The following CARMIL1 variants were observed in gnomAD, a reference collection of about 807,000 sequenced individuals.
CARMIL1 encodes capping protein regulator and myosin 1 linker 1.
Under a neutral mutation model 177.1 loss-of-function variants are expected in CARMIL1, and 90 were observed. The ratio of observed to expected loss-of-function variants is 0.51; its 90% CI spans 0.43 to 0.61. The LOEUF (loss-of-function observed/expected upper bound fraction) is 0.61, where lower values mean the gene tolerates loss of function less well. Among genes scored for constraint, CARMIL1 ranks in the 20% least tolerant of loss-of-function variants. The pLI, the probability that CARMIL1 is intolerant of heterozygous loss-of-function variation, is 0.00. For missense variants in CARMIL1, 1,380 were observed against 1,667.0 expected (o/e 0.83, Z 3.00); for synonymous variants, 577 against 606.2 (o/e 0.95, Z 0.71).
At chr6:25,519,827 T>C (rs995409075) in intron 22 of CARMIL1, among the ~76,000 whole-genome samples, 1 of 152,210 alleles carries the variant, frequency 6.6e-6, no homozygotes, top group Non-Finnish European at 1.5e-5. Context: ...TTGGGGCTGG[T>C]TGTCACACAT....
intron 22 of CARMIL1, among the ~76,000 whole-genome samples, chr6:25,517,641 A>G (rs1806141188): frequency 6.6e-6 from 1 of 152,194 alleles, no homozygotes; most frequent in Admixed American, 6.5e-5. Flanking sequence ...GTTCTGCCAA[A>G]AACACCACAC....
chr6:25,560,498 C>T lies in CARMIL1; in HGVS notation c.2742+3648C>T, dbSNP rs142424840. Among the ~76,000 whole-genome samples, 838 of 152,164 alleles carry T rather than the reference C, an allele frequency of 5.5e-3. 5 individuals carry two copies. Among genetic ancestry groups the T allele is most frequent in the East Asian group, 9.7e-3 (50 of 5,178 alleles). ...CTTAACACTTATGTAGTACCTGTGA[C>T]GTTCAGGCACTATTCTGAGCTCTTT... is the stretch of plus-strand genomic sequence containing the variant. On this transcript the variant is annotated intron_variant, in intron 29 of 36. Transcript: ENST00000329474.
At chr6:25,360,553 A>AT (rs1167777561) in intron 2 of CARMIL1, among the ~76,000 whole-genome samples, 2 of 151,970 alleles carry the variant, frequency 1.3e-5, no homozygotes, top group African/African-American at 4.8e-5. Flanking sequence ...CTACCAGAAA[A>AT]TTTTTTTTGG....
intron 29 of CARMIL1, among the ~76,000 whole-genome samples, chr6:25,571,928 T>G (rs1275062649): frequency 3.3e-5 from 5 of 152,106 alleles, no homozygotes; most frequent in Non-Finnish European, 7.4e-5. Context: ...GAAGAGACAT[T>G]ACCCTATATA....
intron 29 of CARMIL1, among the ~76,000 whole-genome samples, chr6:25,571,577 A>G (rs548948519): frequency 1.3e-5 from 2 of 152,322 alleles, no homozygotes; most frequent in East Asian, 3.9e-4. Context: ...CAAGGGAATT[A>G]ATACTTTACA....
intron 36 of CARMIL1, among the ~76,000 whole-genome samples, chr6:25,616,738 A>T (rs1582541264): frequency 6.6e-6 from 1 of 152,364 alleles, no homozygotes; most frequent in East Asian, 1.9e-4. Context: ...AATTACATGC[A>T]GTCAAATAGA....
chr6:25,443,577 G>A (rs55998719), intron 5 of CARMIL1, among the ~76,000 whole-genome samples: 13,901 of 152,108 alleles, frequency 0.091, 673 homozygotes, highest in South Asian at 0.1. Flanking sequence ...AGAACTTTTT[G>A]GTTTCTCAGT....
intron 2 of CARMIL1, among the ~76,000 whole-genome samples, chr6:25,353,480 T>G (rs1220093305): frequency 6.6e-6 from 1 of 152,210 alleles, no homozygotes; most frequent in Non-Finnish European, 1.5e-5. Context: ...ATTTCTAGTC[T>G]TCAAACACAA....
At chr6:25,293,036 T>C (rs141131009) in intron 2 of CARMIL1, among the ~76,000 whole-genome samples, 4,113 of 152,246 alleles carry the variant, frequency 0.027, 69 homozygotes, top group Non-Finnish European at 0.038. Flanking sequence ...ATGAAAAATG[T>C]AGCTACAATC....
At chr6:25,321,275 C>T (rs1016536751) in intron 2 of CARMIL1, among the ~76,000 whole-genome samples, 1 of 152,178 alleles carries the variant, frequency 6.6e-6, no homozygotes, top group South Asian at 2.1e-4. Context: ...TTAGGGGGTT[C>T]TGTGGCAAAA....
intron 17 of CARMIL1, among the ~76,000 whole-genome samples, chr6:25,508,689 A>C (rs928603404): frequency 5.9e-5 from 9 of 152,214 alleles, no homozygotes; most frequent in Admixed American, 2.0e-4. Flanking sequence ...ACTTTTTATA[A>C]ATTTTAATTT....
chr6:25,327,940 G>A (rs774892731), intron 2 of CARMIL1, among the ~76,000 whole-genome samples: 9 of 152,188 alleles, frequency 5.9e-5, no homozygotes, highest in Non-Finnish European at 1.3e-4. Context: ...TGGGTCATAA[G>A]CTATAGAACA....
intron 2 of CARMIL1, among the ~76,000 whole-genome samples, chr6:25,348,653 G>A (rs1022850415): frequency 3.3e-5 from 5 of 151,866 alleles, no homozygotes; most frequent in African/African-American, 1.2e-4. Context: ...GTGGCTGCGT[G>A]TGCCTGTAAT....
At chr6:25,601,670 G>GAT (rs1264336694) in intron 33 of CARMIL1, among the ~76,000 whole-genome samples, 16 of 152,168 alleles carry the variant, frequency 1.1e-4, no homozygotes, top group Non-Finnish European at 2.4e-4. Flanking sequence ...TTTGACCATT[G>GAT]ATATATATCA....
intron 2 of CARMIL1, among the ~76,000 whole-genome samples, chr6:25,300,878 T>C (rs1390384331): frequency 2.0e-5 from 3 of 152,186 alleles, no homozygotes; most frequent in Admixed American, 6.5e-5. Context: ...TAGAGACCCA[T>C]AGAATAAACC....
intron 31 of CARMIL1, among the ~76,000 whole-genome samples, chr6:25,585,087 T>A (rs1240158057): frequency 6.6e-6 from 1 of 151,968 alleles, no homozygotes; most frequent in African/African-American, 2.4e-5. Flanking sequence ...GAAGTATAGA[T>A]TAGCACACCT....
intron 2 of CARMIL1, among the ~76,000 whole-genome samples, chr6:25,361,463 T>A (rs1789188942): frequency 6.6e-6 from 1 of 152,194 alleles, no homozygotes; most frequent in African/African-American, 2.4e-5. Flanking sequence ...TATATGACTT[T>A]AATCTTAAGT....
intron 2 of CARMIL1, among the ~76,000 whole-genome samples, chr6:25,379,868 C>T (rs564660817): frequency 6.6e-6 from 1 of 152,266 alleles, no homozygotes; most frequent in Admixed American, 6.5e-5. Context: ...CACATTTACT[C>T]AATATGTGAA....
chr6:25,418,571 C>T (rs996977623), intron 2 of CARMIL1, among the ~76,000 whole-genome samples: 3 of 151,346 alleles, frequency 2.0e-5, no homozygotes, highest in Non-Finnish European at 2.9e-5. Flanking sequence ...AAGATAAATT[C>T]CTCAGGGAAA....
Sources: gnomAD v4.1 joint callset for allele counts (sites outside exome capture counted in the v4.1 genomes callset) on GRCh38, gnomAD v4.1.1 for gene constraint, MANE v1.5 for transcripts, NCBI Gene and HGNC (gene_info 2026-07-23, HGNC 2026-07-21) for gene names.